Variants in TMEM177 observed in about 807,000 individuals in gnomAD.
TMEM177 encodes transmembrane protein 177.
A neutral mutation model predicts 14.2 loss-of-function variants in TMEM177; 4 were observed. That is an observed-to-expected ratio of 0.28 (90% CI 0.14 to 0.64). TMEM177 has a LOEUF of 0.64. TMEM177 is among the 30% of genes least tolerant of loss of function. The pLI, the probability that TMEM177 is intolerant of heterozygous loss-of-function variation, is 0.82. For missense variants in TMEM177, 344 were observed against 405.2 expected, an observed-to-expected ratio of 0.85 and a Z score of 1.30; for synonymous variants, 179 against 174.5, an observed-to-expected ratio of 1.03 and a Z score of -0.20.
chr2:119,712,934 A>C, the TMEM177 span, among the ~76,000 whole-genome samples: 1 of 152,216 alleles, frequency 6.6e-6, no homozygotes, highest in Non-Finnish European at 1.5e-5. Flanking sequence ...TAAATCTCAT[A>C]AGGATATGTA....
downstream of TMEM177, among the ~76,000 whole-genome samples, chr2:119,688,350 C>T (rs549687986): frequency 5.3e-5 from 8 of 152,282 alleles, no homozygotes; most frequent in South Asian, 1.5e-3. Context: ...TTTACGGTCA[C>T]GCATCACTTA....
At chr2:119,707,881 G>C in the TMEM177 span, among the ~76,000 whole-genome samples, 1 of 152,220 alleles carries the variant, frequency 6.6e-6, no homozygotes, top group South Asian at 2.1e-4. Context: ...GAGATGGGGA[G>C]GTGGGAGGAT....
Position 119,681,506 on chromosome 2 carries a change from T to A in TMEM177, c.653T>A (p.Phe218Tyr). ...AAVAGFVAYA[F>Y]SQDSLTHAVE... ...GTGGCAGGCTTTGTGGCCTACGCCTTCTCCCAGGATTCTCTCACTCATGCC... is the reference window on the plus strand; with the variant it reads ...GTGGCAGGCTTTGTGGCCTACGCCTACTCCCAGGATTCTCTCACTCATGCC... The change falls in exon 2 of 2, where the codon TTC becomes TAC. Residue 218 changes from phenylalanine (F) to tyrosine (Y), a missense_variant. Physicochemically the swap from Phe to Tyr is conservative, Grantham distance 22. Transcript: ENST00000272521. 1 of 1,613,904 alleles carries A rather than the reference T, an allele frequency of 6.2e-7. No individual in the cohort carries two copies. Among genetic ancestry groups the A allele is most frequent in the Non-Finnish European group, 8.5e-7 (1 of 1,180,040 alleles).
chr2:119,692,995 AAAG>A, the TMEM177 span, among the ~76,000 whole-genome samples: 3 of 149,380 alleles, frequency 2.0e-5, no homozygotes, highest in Non-Finnish European at 4.5e-5. Context: ...AAAAAAAAAA[AAAG>A]GCAGGGATTT....
the TMEM177 span, among the ~76,000 whole-genome samples, chr2:119,718,464 G>C: frequency 6.6e-6 from 1 of 152,128 alleles, no homozygotes; most frequent in Admixed American, 6.5e-5. Flanking sequence ...GTGAAGGGAG[G>C]CCTTTGGCAT....
At chr2:119,700,615 G>A in the TMEM177 span, among the ~76,000 whole-genome samples, 17 of 152,248 alleles carry the variant, frequency 1.1e-4, no homozygotes, top group African/African-American at 3.9e-4. Flanking sequence ...ACCCACCATC[G>A]GGCCATGTTT....
the TMEM177 span, among the ~76,000 whole-genome samples, chr2:119,721,120 T>G: frequency 6.6e-6 from 1 of 152,208 alleles, no homozygotes; most frequent in African/African-American, 2.4e-5. Context: ...CACCTGAGTT[T>G]ATGCTGAGAT....
At chr2:119,704,514 C>T in the TMEM177 span, among the ~76,000 whole-genome samples, 4 of 152,078 alleles carry the variant, frequency 2.6e-5, no homozygotes, top group Non-Finnish European at 4.4e-5. Context: ...AGGAGAATCG[C>T]TTGAACCTGG....
the TMEM177 span, among the ~76,000 whole-genome samples, chr2:119,702,194 G>T: frequency 6.6e-6 from 1 of 152,238 alleles, no homozygotes; most frequent in Non-Finnish European, 1.5e-5. Context: ...AGTTAGTTTG[G>T]CCTATGCCCA....
chr2:119,686,685 T>G (rs186578683), downstream of TMEM177, among the ~76,000 whole-genome samples: 2,127 of 152,098 alleles, frequency 0.014, 21 homozygotes, highest in Non-Finnish European at 0.021. Context: ...TCCCACCTCA[T>G]CCCCCTAGTA....
downstream of TMEM177, among the ~76,000 whole-genome samples, chr2:119,690,114 C>A (rs2104858488): frequency 6.6e-6 from 1 of 152,292 alleles, no homozygotes; most frequent in Non-Finnish European, 1.5e-5. Flanking sequence ...TTGTAATCCC[C>A]AGTGTTGGAG....
chr2:119,709,395 G>A, the TMEM177 span, among the ~76,000 whole-genome samples: 65 of 152,338 alleles, frequency 4.3e-4, no homozygotes, highest in South Asian at 0.013. Context: ...CCTTTGGTGA[G>A]CCAGACATGG....
chr2:119,697,948 G>A, the TMEM177 span, among the ~76,000 whole-genome samples: 1 of 152,208 alleles, frequency 6.6e-6, no homozygotes, highest in Non-Finnish European at 1.5e-5. Flanking sequence ...GAGGGAGGTG[G>A]GGGAACATAG....
the TMEM177 span, among the ~76,000 whole-genome samples, chr2:119,709,887 G>C: frequency 6.6e-6 from 1 of 152,132 alleles, no homozygotes; most frequent in Non-Finnish European, 1.5e-5. Context: ...GAGTCATCCA[G>C]CTAATCTTAG....
At chr2:119,697,539 T>C in the TMEM177 span, among the ~76,000 whole-genome samples, 1 of 151,760 alleles carries the variant, frequency 6.6e-6, no homozygotes, top group Non-Finnish European at 1.5e-5. Context: ...ACAGAGAGAC[T>C]CTATCTCAAA....
At chr2:119,698,839 A>T in the TMEM177 span, 5 of 152,486 alleles carry the variant, frequency 3.3e-5, no homozygotes, top group Non-Finnish European at 7.3e-5. Flanking sequence ...TCTACTAAAA[A>T]TATAACAATT....
the TMEM177 span, among the ~76,000 whole-genome samples, chr2:119,693,957 A>ACATTAC: frequency 5.9e-3 from 9 of 1,520 alleles, no homozygotes; most frequent in South Asian, 0.021. Flanking sequence ...ACACACATGC[A>ACATTAC]ACATACCACA....
the TMEM177 span, among the ~76,000 whole-genome samples, chr2:119,707,950 C>T: frequency 6.6e-6 from 1 of 152,196 alleles, no homozygotes; most frequent in Non-Finnish European, 1.5e-5. Context: ...GCTGCAGCTG[C>T]GGTTCTGCCA....
At chr2:119,720,126 G>A in the TMEM177 span, among the ~76,000 whole-genome samples, 1 of 151,474 alleles carries the variant, frequency 6.6e-6, no homozygotes. Flanking sequence ...ATAAAATAAT[G>A]CAAATATCCA....
Sources: gnomAD v4.1 joint callset for allele counts (sites outside exome capture counted in the v4.1 genomes callset) on GRCh38, gnomAD v4.1.1 for gene constraint, MANE v1.5 for transcripts, NCBI Gene and HGNC (gene_info 2026-07-23, HGNC 2026-07-21) for gene names.